Variants in ARVCF observed in about 807,000 individuals in gnomAD.
ARVCF encodes the protein ARVCF delta catenin family member, also known as splicing regulator ARVCF.
In ARVCF, 66 loss-of-function variants were observed where a neutral mutation model predicts 90.9. That is an observed-to-expected ratio of 0.73 (90% CI 0.60 to 0.89). The LOEUF (loss-of-function observed/expected upper bound fraction) is 0.89, where lower values mean the gene tolerates loss of function less well. ARVCF is among the 40% of genes least tolerant of loss of function. ARVCF has a pLI of 0.00. For synonymous variants in ARVCF, 653 were observed against 603.4 expected (o/e 1.08, Z -1.21); for missense variants, 1,469 against 1,382.3 (o/e 1.06, Z -1.00).
downstream of ARVCF, chr22:19,969,065 C>G: frequency 4.0e-6 from 1 of 252,906 alleles, no homozygotes; most frequent in Non-Finnish European, 7.9e-6. Flanking sequence ...TGCCATTCCC[C>G]TGCTGCCCTT....
chr22:19,977,343 G>C, intron 9 of ARVCF, 72 bp downstream of exon 9: 2 of 1,458,154 alleles, frequency 1.4e-6, no homozygotes, highest in Non-Finnish European at 1.8e-6. Flanking sequence ...GGCTGCTGTG[G>C]GTGTACAGAG....
intron 1 of ARVCF, among the ~76,000 whole-genome samples, chr22:20,011,506 C>G (rs970891563): frequency 3.9e-5 from 6 of 151,932 alleles, no homozygotes; most frequent in Admixed American, 3.9e-4. Flanking sequence ...ACGACAGCCT[C>G]TTCATCATGG....
At chr22:20,014,912 G>C (rs770342579) in intron 1 of ARVCF, among the ~76,000 whole-genome samples, 3 of 152,174 alleles carry the variant, frequency 2.0e-5, no homozygotes, top group Admixed American at 6.5e-5. Context: ...ACAAACAGAA[G>C]GAGGGGTGCT....
At chr22:20,000,386 C>T (rs1032885681) in intron 2 of ARVCF, among the ~76,000 whole-genome samples, 2 of 152,252 alleles carry the variant, frequency 1.3e-5, no homozygotes, top group African/African-American at 4.8e-5. Flanking sequence ...AGACACCAAC[C>T]TCCAGCAAGT....
At chr22:19,979,310 G>A (rs538565180) in intron 6 of ARVCF, 35 of 570,720 alleles carry the variant, frequency 6.1e-5, no homozygotes, top group Non-Finnish European at 7.7e-5. Flanking sequence ...GTGCTGTCCC[G>A]TCCCACCCAT....
chr22:19,969,111 G>A (rs138918504), downstream of ARVCF: 32 of 228,640 alleles, frequency 1.4e-4, no homozygotes, highest in East Asian at 3.8e-3. Flanking sequence ...TCCCCTTGAC[G>A]GACGCTAACG....
chr22:19,976,547 T>C (rs1416030624), intron 10 of ARVCF, among the ~76,000 whole-genome samples, 159 bp downstream of exon 10: 1 of 152,198 alleles, frequency 6.6e-6, no homozygotes, highest in Non-Finnish European at 1.5e-5. Flanking sequence ...GGTTACAGAA[T>C]GAGCCCCGTG....
chr22:19,972,084 C>T, intron 17 of ARVCF, 113 bp from the exon 18 acceptor site: 2 of 1,055,610 alleles, frequency 1.9e-6, no homozygotes, highest in Non-Finnish European at 2.7e-6. Context: ...CTTTGGGAGA[C>T]AGCCCCCACC....
chr22:20,014,718 G>T lies in ARVCF; in HGVS notation c.-73+1871C>A, dbSNP rs577622508. Among the ~76,000 whole-genome samples the T allele has an allele frequency of 2.0e-5, 3 of 152,298 alleles. No homozygotes were observed. The South Asian group carries it at 6.2e-4, about 32-fold the overall frequency. On this transcript the variant is annotated intron_variant, in intron 1 of 19. Coordinates refer to ENST00000263207, the MANE Select transcript of ARVCF (RefSeq NM_001670.3). ...TCTGCCAGGGCCAGGCGGGGAGCAC[G>T]ACAGATGGGCTGGACAGAGGGTGGT... is the stretch of plus-strand genomic sequence containing the variant.
rs147372581 is a variant in ARVCF at position 19,972,935 on chromosome 22, G to T, written c.2540C>A (p.Ala847Glu). Residue 847 changes from alanine (A) to glutamate (E), a missense_variant, in exon 15 of 20, where the codon GCG becomes GAG. Transcript: ENST00000263207. ...CCAGGGAAGCCGCACCTGGAAGCGC[G>T]CCTTGGTCCAACCATCTTTCTGCAA... ...GTLQKDGWTK[A>E]RFQSAAATAK... is the part of the protein sequence containing the mutation. 4 of 1,613,770 alleles carry T rather than the reference G, an allele frequency of 2.5e-6. No homozygotes were observed. The highest frequency in any genetic ancestry group is 3.4e-6 in the Non-Finnish European group (4 of 1,180,038).
In ARVCF at chr22:19,981,290, C is replaced by G; in HGVS notation, c.817G>C (p.Glu273Gln). ...DDTRSLAADD[E>Q]GGPELEPDYG... ...TCAGGCTCCAGCTCAGGGCCACCCT[C>G]GTCATCAGCGGCCAGGCTGCGCGTG... Residue 273 changes from glutamate (E) to glutamine (Q), a missense_variant, in exon 5 of 20, where the codon GAG (glutamate) becomes CAG (glutamine). Coordinates refer to ENST00000263207, the MANE Select transcript of ARVCF (RefSeq NM_001670.3). The G allele has an allele frequency of 1.9e-6, 3 of 1,586,378 alleles. No individual in the cohort carries two copies. Among genetic ancestry groups the G allele is most frequent in the Non-Finnish European group, 2.6e-6 (3 of 1,168,036 alleles).
rs139258622 is a variant in ARVCF at position 19,979,123 on chromosome 22, G to A, written c.1397-43C>T. ...CCAATCTGTGCTGACCATATGCACCGCCTGCCTACCTCCCCAGGTGGCCAC... is the reference window on the plus strand; with the variant it reads ...CCAATCTGTGCTGACCATATGCACCACCTGCCTACCTCCCCAGGTGGCCAC... On this transcript the variant is annotated intron_variant, in intron 6 of 19. Coordinates refer to ENST00000263207, the MANE Select transcript of ARVCF (RefSeq NM_001670.3). The A allele has an allele frequency of 1.9e-4, 297 of 1,578,940 alleles. 1 individual carries two copies. The East Asian group carries it at 3.2e-3, about 17-fold the overall frequency.
At chr22:19,979,683 G>A (rs1207687456) in intron 6 of ARVCF, 60 bp downstream of exon 6, 35 of 1,513,810 alleles carry the variant, frequency 2.3e-5, no homozygotes, top group Admixed American at 7.7e-5. Flanking sequence ...CGTTCCTCCC[G>A]GGTTGAGCCT....
At position 19,990,876 on chromosome 22, in the gene ARVCF, C is replaced by T. The variant is rs1169736410; in HGVS notation, c.-18-64G>A. ...CAGCCTGGCAAGGCCATCATGGGCCCCTGCCCGCCCCACTCACAGACCATA... is the reference window on the plus strand; with the variant it reads ...CAGCCTGGCAAGGCCATCATGGGCCTCTGCCCGCCCCACTCACAGACCATA... On this transcript the variant is annotated intron_variant, in intron 2 of 19. Coordinates refer to ENST00000263207, the MANE Select transcript of ARVCF (RefSeq NM_001670.3). 7 of 1,469,632 alleles carry T rather than the reference C, an allele frequency of 4.8e-6. No individual in the cohort carries two copies. The African/African-American group carries it at 5.6e-5, about 12-fold the overall frequency. 91.0% of individuals were successfully genotyped at this position (1,469,632 alleles called of 1,614,324 possible).
intron 16 of ARVCF, 75 bp downstream of exon 16, chr22:19,972,662 A>C: frequency 6.8e-7 from 1 of 1,464,574 alleles, no homozygotes; most frequent in Non-Finnish European, 9.1e-7. Context: ...CTCCTCCTTC[A>C]CCTTCACCCA....
At chr22:20,014,770 T>C (rs1944962197) in intron 1 of ARVCF, among the ~76,000 whole-genome samples, 1 of 152,218 alleles carries the variant, frequency 6.6e-6, no homozygotes, top group African/African-American at 2.4e-5. Flanking sequence ...CAGAGCTCCC[T>C]GCTCCACCCA....
chr22:19,976,303 C>A (rs2146271057), intron 10 of ARVCF, among the ~76,000 whole-genome samples: 1 of 152,294 alleles, frequency 6.6e-6, no homozygotes, highest in South Asian at 2.1e-4. Context: ...CACTGTCAAC[C>A]ACTCTCCCCA....
intron 3 of ARVCF, among the ~76,000 whole-genome samples, chr22:19,986,279 G>A (rs558647050): frequency 6.6e-6 from 1 of 152,360 alleles, no homozygotes. Context: ...AGGACAGGCA[G>A]GGGCCTAGTT....
Position 19,973,251 on chromosome 22 carries a change from GCC to G in ARVCF, c.2304_2305del (p.Ala769LeufsTer24). On this transcript the variant is annotated frameshift_variant, in exon 14 of 20. Coordinates refer to ENST00000263207, the MANE Select transcript of ARVCF (RefSeq NM_001670.3). LOFTEE classifies it high-confidence loss of function. Reference sequence around the variant, plus strand: ...CACCACGGTGTCTTCCTCCAGGCAGGCCCCCGGTCGCGGCGGAGCCTGTGCAT... The same window carrying G: ...CACCACGGTGTCTTCCTCCAGGCAGGCCCGGTCGCGGCGGAGCCTGTGCAT... The G allele has an allele frequency of 6.2e-7, 1 of 1,609,852 alleles. No individual in the cohort carries two copies. Among genetic ancestry groups the G allele is most frequent in the Non-Finnish European group, 8.5e-7 (1 of 1,179,058 alleles).
Sources: allele counts gnomAD v4.1 joint callset (sites outside exome capture counted in the v4.1 genomes callset), GRCh38; gene constraint gnomAD v4.1.1; transcripts MANE v1.5; gene names NCBI Gene and HGNC (gene_info 2026-07-23, HGNC 2026-07-21).